Variants in GNAL observed in about 807,000 individuals in gnomAD.
The protein encoded by GNAL is guanine nucleotide-binding protein G(olf) subunit alpha.
Under a neutral mutation model 55.1 loss-of-function variants are expected in GNAL, and 18 were observed. That is an observed-to-expected ratio of 0.33 (90% CI 0.23 to 0.48). GNAL has a LOEUF of 0.48. Ranked by LOEUF, GNAL falls within the 20% of genes least tolerant of loss-of-function variation. The pLI, the probability that GNAL is intolerant of heterozygous loss-of-function variation, is 0.99. For synonymous variants in GNAL, 253 were observed against 237.0 expected, an observed-to-expected ratio of 1.07 and a Z score of -0.62; for missense variants, 412 against 614.1, an observed-to-expected ratio of 0.67 and a Z score of 3.48.
At chr18:11,753,775 A>G (rs1239504728) in intron 3 of GNAL, 51 bp from the exon 4 acceptor site, 1 of 1,524,260 alleles carries the variant, frequency 6.6e-7, no homozygotes, top group South Asian at 1.1e-5. Context: ...GTAGATTATC[A>G]TACATGGAGC....
chr18:11,865,825 C>T (rs1174861186), intron 7 of GNAL, among the ~76,000 whole-genome samples: 5 of 148,100 alleles, frequency 3.4e-5, no homozygotes, highest in Non-Finnish European at 5.9e-5. Context: ...CCTTAGAATT[C>T]CCATTGCATA....
At position 11,859,617 on chromosome 18, in the gene GNAL, G is replaced by A. The variant is rs538615756; in HGVS notation, c.723-2778G>A. 1.3e-4 allele frequency among the ~76,000 whole-genome samples: 20 copies of A among 152,238 alleles called. No homozygotes were observed. The Middle Eastern group carries it at 0.01, about 78-fold the overall frequency. ...CCTTGGCCAACTCACCAACCTTCTG[G>A]TGCGCAGTAGCACCTCCCAGAGCTT... On this transcript the variant is annotated intron_variant, in intron 5 of 11. Transcript: ENST00000334049.
intron 1 of GNAL, among the ~76,000 whole-genome samples, chr18:11,741,301 T>C (rs1434745943): frequency 6.6e-6 from 1 of 152,220 alleles, no homozygotes; most frequent in Non-Finnish European, 1.5e-5. Flanking sequence ...TGGACCAAAT[T>C]GTGGGCAATA....
chr18:11,760,251 A>G (rs557282013), intron 4 of GNAL, among the ~76,000 whole-genome samples: 30 of 152,302 alleles, frequency 2.0e-4, no homozygotes, highest in Non-Finnish European at 4.0e-4. Context: ...GGACAGGCCA[A>G]TTGGGATGTC....
chr18:11,861,078 A>G (rs2036122371), intron 5 of GNAL, among the ~76,000 whole-genome samples: 1 of 152,140 alleles, frequency 6.6e-6, no homozygotes, highest in South Asian at 2.1e-4. Flanking sequence ...CTCTGCATGA[A>G]ATGCTCATGG....
Position 11,800,246 on chromosome 18 carries a change from CATAG to C in GNAL, c.625-24655_625-24652del, listed in dbSNP as rs112121065. Among the ~76,000 whole-genome samples, 515 of 151,938 alleles carry C rather than the reference CATAG, an allele frequency of 3.4e-3. 1 individual carries two copies. Among genetic ancestry groups the C allele is most frequent in the African/African-American group, 0.011 (465 of 41,444 alleles). On this transcript the variant is annotated intron_variant, in intron 4 of 11. Coordinates refer to ENST00000334049, the MANE Select transcript of GNAL (RefSeq NM_182978.4). Reference sequence around the variant, plus strand: ...ATAATACAAGTGATGATAGATGGAACATAGATAGATAGATAGATAGGATTGATTA... The same window carrying C: ...ATAATACAAGTGATGATAGATGGAACATAGATAGATAGATAGGATTGATTA...
intron 4 of GNAL, among the ~76,000 whole-genome samples, chr18:11,798,386 A>G (rs777863844): frequency 3.9e-5 from 6 of 152,230 alleles, no homozygotes; most frequent in Admixed American, 2.0e-4. Flanking sequence ...GTATGTCACC[A>G]GAGTGCCTCT....
intron 1 of GNAL, among the ~76,000 whole-genome samples, chr18:11,690,872 G>A (rs2031226264): frequency 6.6e-6 from 1 of 151,188 alleles, no homozygotes; most frequent in Admixed American, 6.6e-5. Flanking sequence ...TTGGACATTT[G>A]GGTTGGTTCC....
chr18:11,874,630 C>A (rs1292464860), intron 10 of GNAL, among the ~76,000 whole-genome samples: 1 of 112,902 alleles, frequency 8.9e-6, no homozygotes, highest in Non-Finnish European at 1.8e-5. Context: ...GCCTGGGTGA[C>A]GGAGTGAGAC....
intron 4 of GNAL, among the ~76,000 whole-genome samples, chr18:11,767,948 G>A (rs941228662): frequency 7.2e-5 from 11 of 152,086 alleles, no homozygotes; most frequent in African/African-American, 2.7e-4. Context: ...TAAGTTCTTA[G>A]TAAGACCCAA....
At chr18:11,870,975 G>A (rs2036383501) in intron 9 of GNAL, among the ~76,000 whole-genome samples, 1 of 152,182 alleles carries the variant, frequency 6.6e-6, no homozygotes, top group Non-Finnish European at 1.5e-5. Flanking sequence ...CACTATATGT[G>A]TAAGTGGGAA....
chr18:11,705,564 T>C (rs2031688204), intron 1 of GNAL, among the ~76,000 whole-genome samples: 1 of 152,174 alleles, frequency 6.6e-6, no homozygotes, highest in Non-Finnish European at 1.5e-5. Flanking sequence ...ACCATTTTAA[T>C]TCCCACCAGC....
At chr18:11,857,095 C>T (rs1025133043) in intron 5 of GNAL, 1 of 149,358 alleles carries the variant, frequency 6.7e-6, no homozygotes, top group Admixed American at 6.7e-5. Context: ...ATAAAACATA[C>T]AAAGAAAAAG....
chr18:11,756,765 G>T (rs2033070555), intron 4 of GNAL, among the ~76,000 whole-genome samples: 1 of 152,006 alleles, frequency 6.6e-6, no homozygotes, highest in South Asian at 2.1e-4. Flanking sequence ...AGACAAATCT[G>T]ACTTATATGC....
intron 4 of GNAL, among the ~76,000 whole-genome samples, chr18:11,799,866 T>TACA (rs2034478003): frequency 6.6e-6 from 1 of 152,134 alleles, no homozygotes; most frequent in Admixed American, 6.5e-5. Context: ...TGCACCTGTC[T>TACA]GTCTGGTGCT....
chr18:11,754,980 C>T (rs990956774), intron 4 of GNAL, among the ~76,000 whole-genome samples: 9 of 145,390 alleles, frequency 6.2e-5, no homozygotes, highest in Admixed American at 1.4e-4. Context: ...TGTTACAGTG[C>T]ACCAGAAGTG....
intron 4 of GNAL, among the ~76,000 whole-genome samples, chr18:11,771,809 G>T (rs981560196): frequency 6.6e-6 from 1 of 152,104 alleles, no homozygotes; most frequent in East Asian, 1.9e-4. Context: ...CCTCCTTCTG[G>T]GTTCAAGCGA....
chr18:11,838,679 A>G (rs749812354), intron 5 of GNAL, among the ~76,000 whole-genome samples: 4 of 152,210 alleles, frequency 2.6e-5, no homozygotes, highest in Non-Finnish European at 5.9e-5. Context: ...TGTTTCATCC[A>G]TGTGCCACGC....
intron 4 of GNAL, among the ~76,000 whole-genome samples, chr18:11,796,784 TC>T (rs2034400928): frequency 6.6e-6 from 1 of 152,178 alleles, no homozygotes; most frequent in Non-Finnish European, 1.5e-5. Context: ...TAATAATGCT[TC>T]TACAACCTGA....
Sources: gnomAD v4.1 joint callset for allele counts (sites outside exome capture counted in the v4.1 genomes callset) on GRCh38, gnomAD v4.1.1 for gene constraint, MANE v1.5 for transcripts, NCBI Gene and HGNC (gene_info 2026-07-23, HGNC 2026-07-21) for gene names.